DNAH3: variants seen among roughly 807,000 people sequenced by gnomAD.
The protein encoded by DNAH3 is dynein axonemal heavy chain 3.
In DNAH3, 332 loss-of-function variants were observed where a neutral mutation model predicts 432.5. The observed-to-expected ratio is 0.77, with a 90% CI of 0.70 to 0.84. The LOEUF is 0.84. Among genes scored for constraint, DNAH3 ranks in the 40% least tolerant of loss-of-function variants. The pLI is 0.00. For synonymous variants in DNAH3, 1,956 were observed against 1,900.2 expected (o/e 1.03, Z -0.76); for missense variants, 4,861 against 5,114.0 (o/e 0.95, Z 1.51).
rs1184726716 is a variant in DNAH3, at chr16:20,964,067, TC to T, written c.9816del (p.Ile3273SerfsTer10). On this transcript the variant is annotated frameshift_variant, in exon 53 of 62. Coordinates refer to ENST00000261383, the Ensembl canonical transcript of DNAH3. LOFTEE classifies it high-confidence loss of function. ...GAAGCAACTTTCTGTTTCTCTGAGA[TC>T]TCTTCAGATAGCACTTTGGAGGAGG... is the stretch of plus-strand genomic sequence containing the variant. 6.2e-7 allele frequency: 1 copy of T among 1,614,194 alleles called. No individual in the cohort carries two copies. The highest frequency in any genetic ancestry group is 1.1e-5 in the South Asian group (1 of 91,088).
chr16:21,089,037 A>C (rs1447332476), intron 18 of DNAH3, among the ~76,000 whole-genome samples: 3 of 152,176 alleles, frequency 2.0e-5, no homozygotes, highest in Non-Finnish European at 2.9e-5. Flanking sequence ...TATAGGGAGA[A>C]ATTTCTGTAG....
At chr16:20,935,806 G>T (rs747053734) in intron 60 of DNAH3, among the ~76,000 whole-genome samples, 8 of 148,846 alleles carry the variant, frequency 5.4e-5, no homozygotes, top group Non-Finnish European at 8.9e-5. Context: ...TCATGCCATT[G>T]CACTCCAGCC....
chr16:21,018,912 G>T (rs2087999689), intron 41 of DNAH3, among the ~76,000 whole-genome samples: 1 of 151,502 alleles, frequency 6.6e-6, no homozygotes, highest in African/African-American at 2.4e-5. Flanking sequence ...AAATTATAAT[G>T]ACAAAATTAA....
intron 24 of DNAH3, among the ~76,000 whole-genome samples, chr16:21,064,734 C>A (rs1668494028): frequency 6.6e-6 from 1 of 152,036 alleles, no homozygotes. Flanking sequence ...AAATTAAAAT[C>A]TTTTTTTAGC....
chr16:21,009,723 CA>C (rs556495917), intron 41 of DNAH3, among the ~76,000 whole-genome samples: 141 of 152,076 alleles, frequency 9.3e-4, no homozygotes, highest in African/African-American at 3.2e-3. Flanking sequence ...ATAAAAAATA[CA>C]AAAATTAGCC....
At chr16:20,948,424 A>T in intron 57 of DNAH3, 59 bp downstream of exon 57, 7 of 1,562,492 alleles carry the variant, frequency 4.5e-6, no homozygotes, top group Non-Finnish European at 6.1e-6. Flanking sequence ...CCCTGTAGCC[A>T]TATAGAGATG....
intron 24 of DNAH3, among the ~76,000 whole-genome samples, chr16:21,065,319 C>T (rs149264617): frequency 0.012 from 1,755 of 152,162 alleles, 34 homozygotes; most frequent in African/African-American, 0.04. Context: ...CACCACCACG[C>T]CCAGCTGATT....
chr16:21,064,197 G>T (rs2090460754), intron 24 of DNAH3, among the ~76,000 whole-genome samples: 6 of 152,164 alleles, frequency 3.9e-5, no homozygotes. Context: ...CACTCTTGCT[G>T]CTCTTAGGAA....
chr16:21,065,085 G>A (rs1371084984), intron 24 of DNAH3, among the ~76,000 whole-genome samples: 1 of 152,122 alleles, frequency 6.6e-6, no homozygotes, highest in Non-Finnish European at 1.5e-5. Context: ...GTATTACAAA[G>A]ATTAAATTAG....
rs397956825 is a variant in DNAH3, at chr16:21,121,584, CT to C, written c.1584+360del. Among the ~76,000 whole-genome samples the C allele has an allele frequency of 4.0e-3, 551 of 138,510 alleles. 1 individual carries two copies. Among genetic ancestry groups the C allele is most frequent in the African/African-American group, 8.5e-3 (323 of 37,954 alleles). 90.9% of individuals were successfully genotyped at this position (138,510 alleles called of 152,430 possible). On this transcript the variant is annotated intron_variant, in intron 10 of 61. Transcript: ENST00000261383. ...CACTATACTCTCTCACAAAGTAGGT[CT>C]TTTTTTTTTTTTCTTTTTTCTTTTT...
At chr16:21,138,473 C>T (rs1478502947) in intron 5 of DNAH3, among the ~76,000 whole-genome samples, 2 of 152,110 alleles carry the variant, frequency 1.3e-5, no homozygotes, top group African/African-American at 4.8e-5. Context: ...CCCCAGGTGA[C>T]CCTTATCTTC....
intron 47 of DNAH3, among the ~76,000 whole-genome samples, 163 bp from the exon 48 acceptor site, chr16:20,985,878 CAG>C (rs767439948): frequency 5.3e-5 from 8 of 151,924 alleles, no homozygotes; most frequent in Non-Finnish European, 1.2e-4. Flanking sequence ...TGTTTTGAGA[CAG>C]AGTCTCACTC....
intron 5 of DNAH3, chr16:21,140,284 C>T (rs1324962147): frequency 2.5e-5 from 8 of 321,532 alleles, no homozygotes; most frequent in African/African-American, 1.7e-4. Flanking sequence ...AACTTATATT[C>T]TAAAAGGACT....
chr16:21,106,177 T>TAAAAAAAAAAAAAAAAAAAA (rs767198150), intron 15 of DNAH3, among the ~76,000 whole-genome samples: 1 of 97,562 alleles, frequency 1.0e-5, no homozygotes, highest in Non-Finnish European at 2.0e-5. Context: ...AGACTCCATC[T>TAAAAAAAAAAAAAAAAAAAA]AAAAAAAAAA....
In DNAH3 at chr16:21,128,386, A is replaced by AAAAACAAAAC. The variant is rs141397436; in HGVS notation, c.1083-584_1083-575dup. ...CAATATAGTGAGACATCATCTCTCC[A>AAAAACAAAAC]AAAACAAAACAAAACAAAACAAAAA... is the stretch of plus-strand genomic sequence containing the variant. On this transcript the variant is annotated intron_variant, in intron 7 of 61. Transcript: ENST00000261383. 7.3e-5 allele frequency among the ~76,000 whole-genome samples: 11 copies of AAAAACAAAAC among 150,236 alleles called. No homozygotes were observed. The East Asian group carries it at 7.9e-4, about 11-fold the overall frequency.
At chr16:21,132,221 T>G (rs2092575032) in intron 7 of DNAH3, among the ~76,000 whole-genome samples, 1 of 152,078 alleles carries the variant, frequency 6.6e-6, no homozygotes, top group Non-Finnish European at 1.5e-5. Flanking sequence ...AACAAGTAGG[T>G]TCTCCAAGCC....
At chr16:21,131,474 AGG>A (rs1491039485) in intron 7 of DNAH3, among the ~76,000 whole-genome samples, 562 of 22,972 alleles carry the variant, frequency 0.024, 2 homozygotes, top group African/African-American at 0.087. Context: ...GAAGGAAGGA[AGG>A]AAGAAAGAAA....
intron 25 of DNAH3, among the ~76,000 whole-genome samples, chr16:21,061,459 G>A (rs1296870946): frequency 6.7e-6 from 1 of 148,766 alleles, no homozygotes; most frequent in Non-Finnish European, 1.5e-5. Flanking sequence ...CCTGACCTTA[G>A]GTGATCCACC....
At chr16:21,049,429 A>G in intron 31 of DNAH3, 140 bp downstream of exon 31, 1 of 627,552 alleles carries the variant, frequency 1.6e-6, no homozygotes, top group Non-Finnish European at 2.8e-6. Context: ...CCTTTTGTTT[A>G]GTTCACTGAG....
Sources: gnomAD v4.1 joint callset for allele counts (sites outside exome capture counted in the v4.1 genomes callset) on GRCh38, gnomAD v4.1.1 for gene constraint, MANE v1.5 for transcripts, NCBI Gene and HGNC (gene_info 2026-07-23, HGNC 2026-07-21) for gene names.